Variants in SGCD observed in about 807,000 individuals in gnomAD.
SGCD encodes the protein delta-sarcoglycan.
SGCD carries 18 observed loss-of-function variants against 36.6 expected under a neutral mutation model. The ratio of observed to expected loss-of-function variants is 0.49; its 90% CI spans 0.34 to 0.73. The LOEUF (loss-of-function observed/expected upper bound fraction) is 0.73, where lower values mean the gene tolerates loss of function less well. Ranked by LOEUF, SGCD falls within the 30% of genes least tolerant of loss-of-function variation. The probability of loss-of-function intolerance (pLI) is 0.01; values close to 1 mark genes in which losing one functional copy is unlikely to be tolerated. For synonymous variants in SGCD, 133 were observed against 130.6 expected (o/e 1.02, Z -0.12); for missense variants, 387 against 346.7 (o/e 1.12, Z -0.92).
At chr5:156,038,370 A>G (rs1759550500) in intron 1 of SGCD, among the ~76,000 whole-genome samples, 1 of 152,052 alleles carries the variant, frequency 6.6e-6, no homozygotes, top group African/African-American at 2.4e-5. Context: ...GATAGCATAA[A>G]GTAGGTCCTG....
At chr5:155,947,045 C>T (rs947320557) in intron 1 of SGCD, among the ~76,000 whole-genome samples, 2 of 152,174 alleles carry the variant, frequency 1.3e-5, no homozygotes, top group Non-Finnish European at 2.9e-5. Context: ...TCTTCCTATT[C>T]TGCCAGCAAA....
intron 3 of SGCD, among the ~76,000 whole-genome samples, chr5:156,173,540 A>G (rs543665860): frequency 6.6e-6 from 1 of 152,204 alleles, no homozygotes; most frequent in African/African-American, 2.4e-5. Flanking sequence ...TCCAGGGGAA[A>G]AAAAGAGAGA....
At chr5:156,749,043 G>A (rs991183801) in intron 7 of SGCD, among the ~76,000 whole-genome samples, 3 of 152,190 alleles carry the variant, frequency 2.0e-5, no homozygotes, top group Middle Eastern at 3.4e-3. Context: ...AGGATTATAG[G>A]CGTGAGCCAT....
intron 7 of SGCD, among the ~76,000 whole-genome samples, chr5:156,657,522 G>A (rs1249597573): frequency 6.6e-6 from 1 of 151,756 alleles, no homozygotes; most frequent in East Asian, 1.9e-4. Flanking sequence ...CAGCACTTTG[G>A]GAGGCTGAGG....
At chr5:156,573,860 A>T (rs1759820412) in intron 4 of SGCD, among the ~76,000 whole-genome samples, 1 of 151,602 alleles carries the variant, frequency 6.6e-6, no homozygotes, top group South Asian at 2.1e-4. Flanking sequence ...TGCCCAGCTA[A>T]TTTTTTCTTT....
intron 3 of SGCD, among the ~76,000 whole-genome samples, chr5:156,222,792 A>G (rs1283254571): frequency 1.3e-5 from 2 of 152,170 alleles, no homozygotes; most frequent in Admixed American, 1.3e-4. Context: ...ATGCAATTAA[A>G]AGGTAGCTCA....
intron 3 of SGCD, among the ~76,000 whole-genome samples, chr5:156,428,853 T>TG (rs1561689563): frequency 1.3e-5 from 2 of 152,092 alleles, no homozygotes; most frequent in Non-Finnish European, 2.9e-5. Flanking sequence ...TTGTGGGTTC[T>TG]ATTTGTGGGT....
intron 3 of SGCD, among the ~76,000 whole-genome samples, chr5:156,143,882 C>G (rs1173683601): frequency 1.9e-5 from 2 of 103,472 alleles, no homozygotes; most frequent in Non-Finnish European, 3.7e-5. Context: ...GGCTATCCCT[C>G]CCCCCTCCCC....
chr5:156,604,818 C>T (rs1761359100), intron 6 of SGCD, among the ~76,000 whole-genome samples: 1 of 50,184 alleles, frequency 2.0e-5, no homozygotes, highest in Non-Finnish European at 4.7e-5. Context: ...ATACACTATA[C>T]ATATATACAC....
chr5:156,708,091 G>A (rs1754820428), intron 7 of SGCD, among the ~76,000 whole-genome samples: 1 of 152,056 alleles, frequency 6.6e-6, no homozygotes, highest in Admixed American at 6.5e-5. Context: ...GGTGTTACTT[G>A]TTCTGCTTTT....
intron 1 of SGCD, among the ~76,000 whole-genome samples, chr5:156,112,579 T>C (rs760553546): frequency 6.6e-6 from 1 of 152,204 alleles, no homozygotes; most frequent in African/African-American, 2.4e-5. Context: ...GGTTTGGTTT[T>C]TTTTGAGAAT....
intron 1 of SGCD, among the ~76,000 whole-genome samples, chr5:156,005,665 T>C (rs1758747768): frequency 6.6e-6 from 1 of 152,216 alleles, no homozygotes; most frequent in Non-Finnish European, 1.5e-5. Context: ...TTAGCCAGGA[T>C]GGTCTCTGTC....
chr5:155,734,119 A>G, the SGCD span, among the ~76,000 whole-genome samples: 76 of 147,176 alleles, frequency 5.2e-4, no homozygotes, highest in African/African-American at 1.8e-3. Context: ...ATTAATTAAT[A>G]TTGTTACTGA....
At chr5:156,556,029 A>G (rs972073210) in intron 4 of SGCD, among the ~76,000 whole-genome samples, 33 of 151,558 alleles carry the variant, frequency 2.2e-4, no homozygotes, top group African/African-American at 8.0e-4. Flanking sequence ...CCATTTTTCA[A>G]CTTGGTCATC....
chr5:156,346,005 G>A (rs939589453), intron 3 of SGCD, among the ~76,000 whole-genome samples: 5 of 152,018 alleles, frequency 3.3e-5, no homozygotes, highest in Non-Finnish European at 7.4e-5. Flanking sequence ...TACCACTCCA[G>A]ATAATAATTT....
chr5:156,568,942 A>G (rs957008673), intron 4 of SGCD, among the ~76,000 whole-genome samples: 1 of 152,214 alleles, frequency 6.6e-6, no homozygotes, highest in African/African-American at 2.4e-5. Context: ...TTATGTATGT[A>G]CACCAATATT....
At chr5:156,487,788 CAAAAAAAAA>C (rs56006984) in intron 3 of SGCD, among the ~76,000 whole-genome samples, 5,780 of 41,420 alleles carry the variant, frequency 0.14, 832 homozygotes, top group African/African-American at 0.33. Flanking sequence ...ACTCTGTCAC[CAAAAAAAAA>C]AAAAAAAAAA....
chr5:156,028,879 A>G (rs774498302), intron 1 of SGCD, among the ~76,000 whole-genome samples: 1 of 152,206 alleles, frequency 6.6e-6, no homozygotes, highest in Non-Finnish European at 1.5e-5. Flanking sequence ...TTTAATGTTA[A>G]TATTACTAAT....
chr5:156,165,469 C>A (rs1288050108), intron 3 of SGCD, among the ~76,000 whole-genome samples: 1 of 152,112 alleles, frequency 6.6e-6, no homozygotes, highest in Non-Finnish European at 1.5e-5. Context: ...CATTTTAATA[C>A]TTTTTTACCT....
Sources: gnomAD v4.1 joint callset for allele counts (sites outside exome capture counted in the v4.1 genomes callset) on GRCh38, gnomAD v4.1.1 for gene constraint, MANE v1.5 for transcripts, NCBI Gene and HGNC (gene_info 2026-07-23, HGNC 2026-07-21) for gene names.